CDHR4: variants seen among roughly 807,000 people sequenced by gnomAD.
CDHR4 encodes the protein cadherin related family member 4.
CDHR4 carries 89 observed loss-of-function variants against 88.4 expected under a neutral mutation model. The ratio of observed to expected loss-of-function variants is 1.01; its 90% confidence interval spans 0.85 to 1.20. CDHR4 has a LOEUF of 1.20. Among genes scored for constraint, CDHR4 ranks in the 50% most tolerant of loss-of-function variants. The pLI is 0.00. For missense variants in CDHR4, 914 were observed against 1,007.2 expected (o/e 0.91, Z 1.25); for synonymous variants, 368 against 399.2 (o/e 0.92, Z 0.93).
chr3:49,802,750 G>A (rs925015615), upstream of CDHR4, among the ~76,000 whole-genome samples: 1 of 152,234 alleles, frequency 6.6e-6, no homozygotes, highest in East Asian at 1.9e-4. Flanking sequence ...GGGCAGTCCC[G>A]TCTAGCTCGG....
chr3:49,792,964 C>A lies in CDHR4; in HGVS notation c.1885G>T (p.Val629Leu). ...QPRTYELLIC[V>L]ADAGPSTPHL... The stretch of plus-strand genomic sequence containing the variant: ...GGGGTGGAGGGGCCTGCATCGGCCA[C>A]ACAGATCAGTAGCTCATAGGTACGG... Residue 629 changes from valine (V) to leucine (L), a missense_variant, in exon 14 of 19, where the codon GTG becomes TTG. Val to Leu is a conservative substitution (Grantham distance 32, BLOSUM62 1). Coordinates refer to ENST00000412678, the MANE Select transcript of CDHR4 (RefSeq NM_001007540.4). The A allele has an allele frequency of 6.4e-7, 1 of 1,551,706 alleles. No homozygotes were observed. Among genetic ancestry groups the A allele is most frequent in the Non-Finnish European group, 8.7e-7 (1 of 1,146,994 alleles).
At position 49,793,125 on chromosome 3, in the gene CDHR4, C is replaced by T. The variant is rs181331835; in HGVS notation, c.1774+36G>A. 2.6e-3 allele frequency: 4,074 copies of T among 1,550,804 alleles called. 19 individuals are homozygous for T. Among genetic ancestry groups the T allele is most frequent in the Middle Eastern group, 0.014 (84 of 5,990 alleles). ...AGACCATTGCTGGCCTTGGCCTGCC[C>T]CTCACTCACAACCTGGTGGTGCCCA... On this transcript the variant is annotated intron_variant, in intron 13 of 18. Coordinates refer to ENST00000412678, the MANE Select transcript of CDHR4 (RefSeq NM_001007540.4).
chr3:49,795,406 T>G lies in CDHR4; in HGVS notation c.848-27A>C. Reference sequence around the variant, plus strand: ...TGCATGGGGTGAGAGAACACAGAGGTCAGGGGTCAGGGAACACAGAGATCA... The same window carrying G: ...TGCATGGGGTGAGAGAACACAGAGGGCAGGGGTCAGGGAACACAGAGATCA... On this transcript the variant is annotated intron_variant, in intron 7 of 18. Coordinates refer to ENST00000412678, the MANE Select transcript of CDHR4 (RefSeq NM_001007540.4). This position sits in a 1 kb window ranked among gnomAD's most constrained non-coding sequence, Gnocchi z 5.4. The G allele has an allele frequency of 1.1e-5, 17 of 1,545,376 alleles. No individual in the cohort carries two copies. Among genetic ancestry groups the G allele is most frequent in the Non-Finnish European group, 1.5e-5 (17 of 1,145,950 alleles).
intron 14 of CDHR4, 121 bp from the exon 15 acceptor site, chr3:49,792,731 C>T (rs565434939): frequency 6.2e-6 from 9 of 1,459,464 alleles, no homozygotes; most frequent in Non-Finnish European, 8.3e-6. Flanking sequence ...CACTGCTGGG[C>T]TCTCCGCACT....
upstream of CDHR4, among the ~76,000 whole-genome samples, chr3:49,801,846 C>T (rs866463760): frequency 6.6e-6 from 1 of 152,248 alleles, no homozygotes; most frequent in Non-Finnish European, 1.5e-5. Flanking sequence ...GGGACTTCCA[C>T]TCTTATTGCA....
rs570035138 is a variant in CDHR4 at position 49,793,935 on chromosome 3, G to A, written c.1351C>T (p.Arg451Trp). The A allele has an allele frequency of 4.6e-5, 72 of 1,551,762 alleles. No homozygotes were observed. In the African/African-American group the frequency reaches 5.6e-4, roughly 12 times the overall value. The change falls in exon 11 of 19, where the codon CGG (arginine) becomes TGG (tryptophan). Residue 451 changes from arginine (R) to tryptophan (W), a missense_variant. Transcript: ENST00000412678. ...FSPACAPRTFRVQEDAAPHTL... is the reference protein window; with the variant it reads ...FSPACAPRTFWVQEDAAPHTL... ...TGGGGCGCCGCATCCTCCTGAACCC[G>A]GAACGTGCGAGGGGCACAGGCTGGG... is the stretch of plus-strand genomic sequence containing the variant.
In CDHR4 at chr3:49,796,044, G is replaced by C; in HGVS notation, c.609C>G (p.Val203=). The C allele has an allele frequency of 1.3e-6, 2 of 1,519,834 alleles. No homozygotes were observed. Among genetic ancestry groups the C allele is most frequent in the Non-Finnish European group, 1.8e-6 (2 of 1,133,998 alleles). The allele number at this position is 1,519,834 out of a possible 1,614,324, so 94.1% of individuals were successfully genotyped here. ...AGGACACTGAGATTTGCAGCTGGAA[G>C]ACCTGTGGTGCACCCAGAACAGAAA... The part of the protein sequence containing the change: ...SQGLLGQAQK[V]FQLQISVSFG... The change falls in exon 6 of 19, where the codon GTC becomes GTG. Residue 203 remains valine (V), a splice_region_variant and synonymous_variant. Transcript: ENST00000412678.
At chr3:49,801,420 T>C (rs78850201), upstream of CDHR4, among the ~76,000 whole-genome samples, 1 of 152,278 alleles carries the variant, frequency 6.6e-6, no homozygotes, top group East Asian at 1.9e-4. Context: ...CACCCCACCT[T>C]ATCCAGGCCT....
chr3:49,797,625 G>A (rs2081291026), intron 4 of CDHR4, among the ~76,000 whole-genome samples: 1 of 152,196 alleles, frequency 6.6e-6, no homozygotes, highest in African/African-American at 2.4e-5. Flanking sequence ...GAGATTACAG[G>A]TGCCCGCCAC....
At chr3:49,793,361 T>A (rs1289857343) in intron 12 of CDHR4, 50 bp from the exon 13 acceptor site, 1 of 1,532,298 alleles carries the variant, frequency 6.5e-7, no homozygotes. Flanking sequence ...CCCCTAAACC[T>A]CTGAGCCAGC....
In CDHR4 at chr3:49,795,142, C is replaced by T. The variant is rs115475025; in HGVS notation, c.1032-42G>A. 6.4e-7 allele frequency: 1 copy of T among 1,551,398 alleles called. No homozygotes were observed. The highest frequency in any genetic ancestry group is 2.0e-5 in the Admixed American group (1 of 50,972). On this transcript the variant is annotated intron_variant, in intron 8 of 18. Coordinates refer to ENST00000412678, the MANE Select transcript of CDHR4 (RefSeq NM_001007540.4). The surrounding 1 kb of genome is among the most constrained non-coding windows in gnomAD (Gnocchi z 5.4). The stretch of plus-strand genomic sequence containing the variant: ...GCAGCAAGGCAGGAGTCTGGCAGTA[C>T]CCTGAGTCATGGCTCTGACCCCAGC...
chr3:49,792,610 C>T lies in CDHR4; in HGVS notation c.1996G>A (p.Val666Met). 3 of 1,551,608 alleles carry T rather than the reference C, an allele frequency of 1.9e-6. No individual in the cohort carries two copies. The highest frequency in any genetic ancestry group is 1.7e-6 in the Non-Finnish European group (2 of 1,146,944). Residue 666 changes from valine (V) to methionine (M), a missense_variant and splice_region_variant, in exon 15 of 19, where the codon GTG (valine) becomes ATG (methionine). By Grantham distance (21) the Val-to-Met change is conservative. Transcript: ENST00000412678. Reference protein sequence around the residue: ...TVATSTHRTTVPSTMTPMLVT... With the variant: ...TVATSTHRTTMPSTMTPMLVT... ...AGCATGGGTGTCATCGTTGAGGGCACCTGAAAAGGAGGCCACAGCCTCACC... is the reference window on the plus strand; with the variant it reads ...AGCATGGGTGTCATCGTTGAGGGCATCTGAAAAGGAGGCCACAGCCTCACC...
At position 49,795,347 on chromosome 3, in the gene CDHR4, C is replaced by G. The variant is rs888658531; in HGVS notation, c.880G>C (p.Glu294Gln). The G allele has an allele frequency of 1.0e-5, 16 of 1,551,242 alleles. No homozygotes were observed. Among genetic ancestry groups the G allele is most frequent in the Admixed American group, 5.9e-5 (3 of 50,976 alleles). Residue 294 changes from glutamate (E) to glutamine (Q), a missense_variant, in exon 8 of 19, where the codon GAG becomes CAG. Coordinates refer to ENST00000412678, the MANE Select transcript of CDHR4 (RefSeq NM_001007540.4). The surrounding 1 kb of genome is among the most constrained non-coding windows in gnomAD (Gnocchi z 5.4). ...DGVVRTTTPLELARTSGTAVS... is the reference protein window; with the variant it reads ...DGVVRTTTPLQLARTSGTAVS... ...GCGGTGCCTGAGGTGCGAGCTAACT[C>G]TAGGGGCGTGGTGGTCCGGACCACA...
rs778259911 is a variant in CDHR4, at chr3:49,795,204, C to T, written c.1023G>A (p.Ala341=). 51 of 1,551,612 alleles carry T rather than the reference C, an allele frequency of 3.3e-5. No individual in the cohort carries two copies. The East Asian group carries it at 5.1e-4, about 16-fold the overall frequency. ...VNLWPPRCLP[A]LLVSQIPETA... ...GGTTCCCGGGTACTCACACCAGAAG[C>T]GCTGGGAGGCAGCGTGGAGGCCAGA... The change falls in exon 8 of 19, where the codon GCG becomes GCA. Residue 341 remains alanine, a synonymous_variant. Transcript: ENST00000412678. The surrounding 1 kb of genome is among the most constrained non-coding windows in gnomAD (Gnocchi z 5.4).
rs1402422186 is a variant in CDHR4 at position 49,792,044 on chromosome 3, T to C, written c.2139-85A>G. 5.2e-6 allele frequency: 7 copies of C among 1,347,498 alleles called. No homozygotes were observed. In the African/African-American group the frequency reaches 5.8e-5, roughly 11 times the overall value. The allele number at this position is 1,347,498 out of a possible 1,614,324, so 83.5% of individuals were successfully genotyped here. A position where few individuals can be genotyped will look rare whatever the true frequency, so the allele number is the denominator to read the frequency against. On this transcript the variant is annotated intron_variant, in intron 15 of 18. Coordinates refer to ENST00000412678, the MANE Select transcript of CDHR4 (RefSeq NM_001007540.4). ...TCAGCACCATTCACCCATTCCTTTA[T>C]ATTGGGAACAACCAATGTCTGTATG...
Position 49,796,938 on chromosome 3 carries a change from A to T in CDHR4, c.590T>A (p.Leu197Gln). The T allele has an allele frequency of 2.6e-6, 4 of 1,551,496 alleles. No individual in the cohort carries two copies. The East Asian group carries it at 9.8e-5, about 38-fold the overall frequency. Residue 197 changes from leucine to glutamine, a missense_variant, in exon 5 of 19, where the codon CTA (leucine) becomes CAA (glutamine). Transcript: ENST00000412678. Reference sequence around the variant, plus strand: ...CATGCTCACCTTTTGAGCCTGGCCTAGGAGGCCCTGGGATGGTGCCTGCAG... The same window carrying T: ...CATGCTCACCTTTTGAGCCTGGCCTTGGAGGCCCTGGGATGGTGCCTGCAG... The part of the protein sequence containing the change: ...GWLQAPSQGL[L>Q]GQAQKVFQLQ...
upstream of CDHR4, among the ~76,000 whole-genome samples, chr3:49,801,289 T>C (rs972856933): frequency 2.0e-5 from 3 of 152,230 alleles, no homozygotes; most frequent in Non-Finnish European, 4.4e-5. Context: ...AGATTTCTCC[T>C]GGCTGTTCCT....
At chr3:49,793,467 C>T in intron 12 of CDHR4, 116 bp downstream of exon 12, 2 of 1,473,016 alleles carry the variant, frequency 1.4e-6, no homozygotes, top group Non-Finnish European at 1.8e-6. Flanking sequence ...CCCCACTCTT[C>T]TCCAGCCAAC....
intron 10 of CDHR4, 151 bp downstream of exon 10, chr3:49,794,457 G>A (rs1272091076): frequency 3.1e-6 from 2 of 638,778 alleles, no homozygotes; most frequent in South Asian, 4.0e-5. Flanking sequence ...CCCCTGCTGG[G>A]GGTCTAAGAG....
Sources: gnomAD v4.1 joint callset for allele counts (sites outside exome capture counted in the v4.1 genomes callset) on GRCh38, gnomAD v4.1.1 for gene constraint, Gnocchi (gnomAD v3.1) non-coding constraint, MANE v1.5 for transcripts, NCBI Gene and HGNC (gene_info 2026-07-23, HGNC 2026-07-21) for gene names.